GRM7: variants seen among roughly 807,000 people sequenced by gnomAD.
GRM7 encodes the protein metabotropic glutamate receptor 7.
Under a neutral mutation model 84.5 loss-of-function variants are expected in GRM7, and 35 were observed. The ratio of observed to expected loss-of-function variants is 0.41; its 90% CI spans 0.32 to 0.55. The LOEUF is 0.55. GRM7 is among the 20% of genes least tolerant of loss of function. The pLI is 0.19. For missense variants in GRM7, 1,003 were observed against 1,194.6 expected (o/e 0.84, Z 2.36); for synonymous variants, 487 against 455.1 (o/e 1.07, Z -0.89).
intron 9 of GRM7, among the ~76,000 whole-genome samples, chr3:7,706,308 A>G (rs162764): frequency 0.061 from 9,310 of 152,264 alleles, 375 homozygotes; most frequent in South Asian, 0.13. Context: ...GATCTTTACA[A>G]AGATATCTCT....
At chr3:7,029,016 G>A (rs1031824791) in intron 1 of GRM7, among the ~76,000 whole-genome samples, 1 of 152,122 alleles carries the variant, frequency 6.6e-6, no homozygotes, top group East Asian at 1.9e-4. Flanking sequence ...ATTACCACAT[G>A]ATTAGGGTTG....
At position 6,933,981 on chromosome 3, in the gene GRM7, T is replaced by A. The variant is rs561322423; in HGVS notation, c.519+72074T>A. 1.2e-3 allele frequency among the ~76,000 whole-genome samples: 182 copies of A among 152,184 alleles called. 1 individual carries two copies. The highest frequency in any genetic ancestry group is 4.2e-3 in the African/African-American group (175 of 41,518). ...GGTGGAAAGTTAAATGAGGACAAGG[T>A]TGGGCTAAGTGAGGGAAAGTAAGGA... On this transcript the variant is annotated intron_variant, in intron 1 of 9. Transcript: ENST00000357716.
chr3:7,689,019 A>G (rs1575634756), intron 9 of GRM7, among the ~76,000 whole-genome samples: 3 of 152,348 alleles, frequency 2.0e-5, no homozygotes, highest in Admixed American at 2.0e-4. Flanking sequence ...GCAAAGTGTT[A>G]TCAACCTAAT....
intron 7 of GRM7, among the ~76,000 whole-genome samples, chr3:7,571,603 A>G (rs777753525): frequency 1.3e-5 from 2 of 152,090 alleles, no homozygotes; most frequent in Non-Finnish European, 2.9e-5. Context: ...GCCATTCAAC[A>G]AGTCTTTAGA....
At chr3:6,955,141 C>A (rs1692976749) in intron 1 of GRM7, among the ~76,000 whole-genome samples, 4 of 152,166 alleles carry the variant, frequency 2.6e-5, no homozygotes, top group African/African-American at 9.6e-5. Context: ...TAAATTATGT[C>A]TTTTATTTGG....
chr3:7,043,309 G>A (rs1317084111), intron 1 of GRM7, among the ~76,000 whole-genome samples: 2 of 152,266 alleles, frequency 1.3e-5, no homozygotes, highest in African/African-American at 4.8e-5. Context: ...ATTCTGCCCT[G>A]TGAACTCAAG....
chr3:7,644,242 A>G (rs1559459881), intron 8 of GRM7, among the ~76,000 whole-genome samples: 1 of 151,414 alleles, frequency 6.6e-6, no homozygotes, highest in African/African-American at 2.4e-5. Context: ...GTACATATAT[A>G]TGTGTGTGTC....
At position 7,216,492 on chromosome 3, in the gene GRM7, G is replaced by T. The variant is rs77308421; in HGVS notation, c.736+69824G>T. Among the ~76,000 whole-genome samples the T allele has an allele frequency of 1.6e-3, 243 of 152,220 alleles. 6 individuals carry two copies. In the East Asian group the frequency reaches 0.039, roughly 24 times the overall value. ...ACTGATAACTGAATATTTTAATGGT[G>T]ATTTGACATCAGCTGAAGATATGAG... On this transcript the variant is annotated intron_variant, in intron 2 of 9. Transcript: ENST00000357716.
chr3:7,447,849 T>C (rs1283713164), intron 5 of GRM7, among the ~76,000 whole-genome samples: 1 of 151,278 alleles, frequency 6.6e-6, no homozygotes, highest in Non-Finnish European at 1.5e-5. Flanking sequence ...GCTGCACCCA[T>C]TAACTCATCA....
intron 2 of GRM7, among the ~76,000 whole-genome samples, chr3:7,247,601 T>A (rs866578926): frequency 1.4e-4 from 19 of 136,762 alleles, no homozygotes; most frequent in African/African-American, 5.1e-4. Flanking sequence ...CTCTTTTTTT[T>A]TAAAAAAAAA....
At chr3:7,063,255 G>A (rs760011012) in intron 1 of GRM7, among the ~76,000 whole-genome samples, 2 of 151,668 alleles carry the variant, frequency 1.3e-5, no homozygotes, top group Non-Finnish European at 2.9e-5. Context: ...CACAAGTAAG[G>A]CTTGGTATAC....
chr3:7,713,181 G>A (rs1307415263), intron 9 of GRM7, among the ~76,000 whole-genome samples: 1 of 138,854 alleles, frequency 7.2e-6, no homozygotes, highest in African/African-American at 2.8e-5. Flanking sequence ...CACCCAGGCT[G>A]GAGTGCAGTG....
chr3:7,737,801 T>G lies in GRM7; in HGVS notation c.2699-2556T>G, dbSNP rs541353009. On this transcript the variant is annotated intron_variant, in intron 9 of 9. Coordinates refer to ENST00000357716, the MANE Select transcript of GRM7 (RefSeq NM_000844.4). ...AGATGAGAAACGGGTATTTTGTACA[T>G]TGGTGATATCAACAGTGCACCAGGT... Among the ~76,000 whole-genome samples, 16 of 152,240 alleles carry G rather than the reference T, an allele frequency of 1.1e-4. 1 individual carries two copies. The South Asian group carries it at 3.3e-3, about 32-fold the overall frequency.
At chr3:6,970,975 C>CT (rs1254013106) in intron 1 of GRM7, among the ~76,000 whole-genome samples, 3 of 132,772 alleles carry the variant, frequency 2.3e-5, no homozygotes. Context: ...GAGCGAGACT[C>CT]TGTCTCAAAA....
rs115505705 is a variant in GRM7 at position 7,347,920 on chromosome 3, G to A, written c.1033+41268G>A. ...TCTGATCTTTTATCTAATAGTTATT[G>A]TGAGTTTACAGCAAAGCATTGTGCT... On this transcript the variant is annotated intron_variant, in intron 4 of 9. Transcript: ENST00000357716. Among the ~76,000 whole-genome samples, 169 of 152,198 alleles carry A rather than the reference G, an allele frequency of 1.1e-3. 1 individual carries two copies. Among genetic ancestry groups the A allele is most frequent in the African/African-American group, 3.9e-3 (163 of 41,544 alleles).
chr3:7,063,739 C>T (rs1339256016), intron 1 of GRM7, among the ~76,000 whole-genome samples: 2 of 151,506 alleles, frequency 1.3e-5, no homozygotes, highest in African/African-American at 2.4e-5. Context: ...AAGGTCACCC[C>T]CTATTCCAAT....
chr3:6,917,010 G>A (rs1696963501), intron 1 of GRM7, among the ~76,000 whole-genome samples: 1 of 152,084 alleles, frequency 6.6e-6, no homozygotes. Flanking sequence ...TTGGGAGGAG[G>A]AGGTGCAGAT....
intron 2 of GRM7, among the ~76,000 whole-genome samples, chr3:7,295,247 A>G (rs1699774476): frequency 6.6e-6 from 1 of 152,142 alleles, no homozygotes; most frequent in Admixed American, 6.6e-5. Context: ...TGTTGAAAAG[A>G]CTATTCTTTT....
Position 6,954,501 on chromosome 3 carries a change from T to C in GRM7, c.519+92594T>C, listed in dbSNP as rs73126724. On this transcript the variant is annotated intron_variant, in intron 1 of 9. Coordinates refer to ENST00000357716, the MANE Select transcript of GRM7 (RefSeq NM_000844.4). ...ATCCCTAAAATAAGGTCTGAACACC[T>C]GTAACTGAATCCCCTTATAAGTTTT... Among the ~76,000 whole-genome samples the C allele has an allele frequency of 8.0e-3, 1,223 of 152,302 alleles. 13 individuals are homozygous for C. Among genetic ancestry groups the C allele is most frequent in the African/African-American group, 0.027 (1,129 of 41,568 alleles).
Sources: gnomAD v4.1 joint callset for allele counts (sites outside exome capture counted in the v4.1 genomes callset) on GRCh38, gnomAD v4.1.1 for gene constraint, MANE v1.5 for transcripts, NCBI Gene and HGNC (gene_info 2026-07-23, HGNC 2026-07-21) for gene names.